CAMTA1: variants seen among roughly 807,000 people sequenced by gnomAD.
The protein encoded by CAMTA1 is calmodulin binding transcription activator 1.
CAMTA1 carries 27 observed loss-of-function variants against 170.9 expected under a neutral mutation model. The ratio of observed to expected loss-of-function variants is 0.16; its 90% CI spans 0.12 to 0.22. CAMTA1 has a LOEUF of 0.22. CAMTA1 is among the 10% of genes least tolerant of loss of function. CAMTA1 has a pLI of 1.00. For synonymous variants in CAMTA1, 833 were observed against 891.5 expected, an observed-to-expected ratio of 0.93 and a Z score of 1.17; for missense variants, 1,619 against 2,217.2, an observed-to-expected ratio of 0.73 and a Z score of 5.42.
chr1:7,256,790 T>C (rs1185361406), intron 5 of CAMTA1, among the ~76,000 whole-genome samples: 1 of 151,974 alleles, frequency 6.6e-6, no homozygotes, highest in Non-Finnish European at 1.5e-5. Context: ...TGGTGTCTGG[T>C]GAGGGCCTGT....
chr1:7,675,209 G>A (rs1475362738), intron 10 of CAMTA1, among the ~76,000 whole-genome samples: 2 of 152,190 alleles, frequency 1.3e-5, no homozygotes, highest in African/African-American at 4.8e-5. Flanking sequence ...AAGAGGTTTG[G>A]CAACGTGGAG....
intron 4 of CAMTA1, among the ~76,000 whole-genome samples, chr1:7,160,377 G>T (rs115205253): frequency 0.015 from 2,293 of 151,916 alleles, 66 homozygotes; most frequent in African/African-American, 0.053. Context: ...TTGTCACCTG[G>T]CCCCCACCAA....
At chr1:7,321,237 T>C (rs531761226) in intron 5 of CAMTA1, among the ~76,000 whole-genome samples, 1 of 152,354 alleles carries the variant, frequency 6.6e-6, no homozygotes, top group East Asian at 1.9e-4. Flanking sequence ...CTTTGATTTC[T>C]TCTACTCAAC....
chr1:7,408,423 A>T (rs547071738), intron 5 of CAMTA1, among the ~76,000 whole-genome samples: 11 of 152,214 alleles, frequency 7.2e-5, no homozygotes, highest in Non-Finnish European at 2.9e-5. Flanking sequence ...CCTCCTCCCC[A>T]TGCCTCGCCT....
chr1:7,631,433 C>T (rs779367740), intron 6 of CAMTA1, among the ~76,000 whole-genome samples: 7 of 152,194 alleles, frequency 4.6e-5, no homozygotes, highest in African/African-American at 9.7e-5. Flanking sequence ...AGGCACTCTC[C>T]TTTCTGTAAA....
intron 5 of CAMTA1, among the ~76,000 whole-genome samples, chr1:7,340,268 C>T (rs568343434): frequency 6.6e-6 from 1 of 152,274 alleles, no homozygotes; most frequent in East Asian, 1.9e-4. Context: ...TTGTCATTTT[C>T]TCTTCTCTGG....
intron 6 of CAMTA1, among the ~76,000 whole-genome samples, chr1:7,526,192 C>T (rs549918724): frequency 2.0e-5 from 3 of 152,120 alleles, no homozygotes; most frequent in South Asian, 2.1e-4. Context: ...GACAGAAGCA[C>T]GGGGAAGAGG....
At chr1:7,302,167 T>TGG (rs57452296) in intron 5 of CAMTA1, among the ~76,000 whole-genome samples, 5 of 147,594 alleles carry the variant, frequency 3.4e-5, no homozygotes, top group Non-Finnish European at 3.0e-5. Flanking sequence ...TTGGTGGGGG[T>TGG]GGGGGGTCTC....
chr1:7,348,066 G>C (rs1038981077), intron 5 of CAMTA1, among the ~76,000 whole-genome samples: 1 of 152,266 alleles, frequency 6.6e-6, no homozygotes, highest in Non-Finnish European at 1.5e-5. Flanking sequence ...GGCAGCTCTG[G>C]CGAGGGACTG....
At chr1:7,133,677 C>T (rs1339898005) in intron 4 of CAMTA1, among the ~76,000 whole-genome samples, 9 of 152,126 alleles carry the variant, frequency 5.9e-5, no homozygotes, top group African/African-American at 1.9e-4. Flanking sequence ...TAGCAGCAGA[C>T]GTCCTCCGTG....
chr1:7,286,547 G>T lies in CAMTA1; in HGVS notation c.438+36921G>T, dbSNP rs182206703. On this transcript the variant is annotated intron_variant, in intron 5 of 22. Coordinates refer to ENST00000303635, the MANE Select transcript of CAMTA1 (RefSeq NM_015215.4). This position sits in a 1 kb window ranked among gnomAD's most constrained non-coding sequence, Gnocchi z 4.2. The stretch of plus-strand genomic sequence containing the variant: ...CTGAGGCTGGGGAGATGTACCTGTG[G>T]CTGACGTTAATGCACAGAATCATTG... 3.1e-3 allele frequency among the ~76,000 whole-genome samples: 468 copies of T among 152,288 alleles called. 1 individual carries two copies. Among genetic ancestry groups the T allele is most frequent in the African/African-American group, 0.011 (441 of 41,554 alleles).
chr1:7,674,643 G>T lies in CAMTA1; in HGVS notation c.2780-2956G>T, dbSNP rs2096095556. ...AAAATACAAAAATTAGCTGGGCGTG[G>T]TGGCAGGCACCTGTAAGCTAGTAGG... is the stretch of plus-strand genomic sequence containing the variant. On this transcript the variant is annotated intron_variant, in intron 10 of 22. Transcript: ENST00000303635. The surrounding 1 kb of genome is among the most constrained non-coding windows in gnomAD (Gnocchi z 4.1). 1.3e-5 allele frequency among the ~76,000 whole-genome samples: 2 copies of T among 152,130 alleles called. No individual in the cohort carries two copies. The highest frequency in any genetic ancestry group is 6.5e-5 in the Admixed American group (1 of 15,274).
At chr1:7,446,631 A>T (rs1159633988) in intron 5 of CAMTA1, among the ~76,000 whole-genome samples, 1 of 152,212 alleles carries the variant, frequency 6.6e-6, no homozygotes, top group African/African-American at 2.4e-5. Flanking sequence ...TGGGAGCCGA[A>T]CCCATGTTGG....
At chr1:7,214,022 G>A (rs980673986) in intron 4 of CAMTA1, among the ~76,000 whole-genome samples, 3 of 152,236 alleles carry the variant, frequency 2.0e-5, no homozygotes, top group Non-Finnish European at 4.4e-5. Flanking sequence ...TGGACATTTG[G>A]GTTGGTTCCA....
Position 7,663,707 on chromosome 1 carries a change from C to T in CAMTA1, c.1160C>T (p.Ala387Val). 6.2e-7 allele frequency: 1 copy of T among 1,613,924 alleles called. No homozygotes were observed. The highest frequency in any genetic ancestry group is 8.5e-7 in the Non-Finnish European group (1 of 1,180,022). ...VVTGVSGMAV[A>V]SVMGSLSQSA... is the part of the protein sequence containing the mutation. ...ACAGGTGTGTCCGGTATGGCGGTGGCCTCTGTGATGGGGAGCTTGTCCCAG... is the reference window on the plus strand; with the variant it reads ...ACAGGTGTGTCCGGTATGGCGGTGGTCTCTGTGATGGGGAGCTTGTCCCAG... The change falls in exon 9 of 23, where the codon GCC (alanine) becomes GTC (valine). Residue 387 changes from alanine to valine, a missense_variant. By Grantham distance (64) the Ala-to-Val change is moderately conservative. Coordinates refer to ENST00000303635, the MANE Select transcript of CAMTA1 (RefSeq NM_015215.4).
At chr1:7,401,483 C>A (rs1406078069) in intron 5 of CAMTA1, among the ~76,000 whole-genome samples, 1 of 151,970 alleles carries the variant, frequency 6.6e-6, no homozygotes, top group Non-Finnish European at 1.5e-5. Flanking sequence ...GCTTCCTTTG[C>A]ATTTTCATAT....
At chr1:6,801,193 AG>A (rs1343148894) in intron 1 of CAMTA1, among the ~76,000 whole-genome samples, 1 of 152,232 alleles carries the variant, frequency 6.6e-6, no homozygotes, top group African/African-American at 2.4e-5. Context: ...AAGGAACATC[AG>A]GCTTTCTGTA....
Position 7,678,649 on chromosome 1 carries a change from C to T in CAMTA1, c.2914+916C>T, listed in dbSNP as rs535506992. 2.2e-4 allele frequency among the ~76,000 whole-genome samples: 33 copies of T among 152,282 alleles called. No individual in the cohort carries two copies. In the East Asian group the frequency reaches 2.9e-3, roughly 13 times the overall value. On this transcript the variant is annotated intron_variant, in intron 11 of 22. Coordinates refer to ENST00000303635, the MANE Select transcript of CAMTA1 (RefSeq NM_015215.4). Reference sequence around the variant, plus strand: ...GGCTGAGCCCAGTACACTGGGGATGCGGTAGGAGGGATGCCTGTCCATAAC... The same window carrying T: ...GGCTGAGCCCAGTACACTGGGGATGTGGTAGGAGGGATGCCTGTCCATAAC...
intron 4 of CAMTA1, among the ~76,000 whole-genome samples, chr1:7,164,806 T>C (rs1390095604): frequency 6.6e-5 from 10 of 152,186 alleles, no homozygotes; most frequent in African/African-American, 2.2e-4. Context: ...TGTGTGGGTG[T>C]GTTTGGGGCA....
Sources: gnomAD v4.1 joint callset for allele counts (sites outside exome capture counted in the v4.1 genomes callset) on GRCh38, gnomAD v4.1.1 for gene constraint, Gnocchi (gnomAD v3.1) non-coding constraint, MANE v1.5 for transcripts, NCBI Gene and HGNC (gene_info 2026-07-23, HGNC 2026-07-21) for gene names.